The following THSD7A variants were observed in gnomAD, a reference collection of about 807,000 sequenced individuals.
THSD7A encodes thrombospondin type 1 domain containing 7A.
THSD7A carries 96 observed loss-of-function variants against 231.3 expected under a neutral mutation model. The ratio of observed to expected loss-of-function variants is 0.41; its 90% confidence interval spans 0.35 to 0.49. The LOEUF (loss-of-function observed/expected upper bound fraction) is 0.49. Ranked by LOEUF, THSD7A falls within the 20% of genes least tolerant of loss-of-function variation. THSD7A has a pLI of 0.05. For missense variants in THSD7A, 2,290 were observed against 2,070.2 expected (o/e 1.11, Z -2.06); for synonymous variants, 940 against 743.3 (o/e 1.26, Z -4.30).
chr7:11,401,783 G>A lies in THSD7A; in HGVS notation c.4411+12C>T, dbSNP rs778854733. 7.5e-6 allele frequency: 12 copies of A among 1,607,214 alleles called. No individual in the cohort carries two copies. Among genetic ancestry groups the A allele is most frequent in the South Asian group, 6.7e-5 (6 of 90,190 alleles). ...TTTGCTTAAGATAGAGTATATGAAC[G>A]GTAGCACTCACCATAACATGATTTT... On this transcript the variant is annotated intron_variant, in intron 23 of 27. Transcript: ENST00000423059.
chr7:11,779,845 C>G (rs973806062), intron 1 of THSD7A, among the ~76,000 whole-genome samples: 1 of 152,128 alleles, frequency 6.6e-6, no homozygotes, highest in Admixed American at 6.5e-5. Context: ...GAAGGAAGTA[C>G]AAATGTTGGC....
chr7:11,609,538 C>T (rs2681051), intron 2 of THSD7A, among the ~76,000 whole-genome samples: 30,438 of 152,006 alleles, frequency 0.2, 3,788 homozygotes, highest in Non-Finnish European at 0.29. Flanking sequence ...GAACTGGGGG[C>T]AATTCTGCTT....
At chr7:11,711,444 T>C (rs915132787) in intron 1 of THSD7A, among the ~76,000 whole-genome samples, 1 of 151,096 alleles carries the variant, frequency 6.6e-6, no homozygotes, top group Admixed American at 6.6e-5. Context: ...CTGATATTGA[T>C]CTGCTGACGA....
At chr7:11,717,863 G>T (rs1781196826) in intron 1 of THSD7A, among the ~76,000 whole-genome samples, 1 of 151,562 alleles carries the variant, frequency 6.6e-6, no homozygotes. Flanking sequence ...TATATCTCAT[G>T]GGGATATGGT....
intron 8 of THSD7A, among the ~76,000 whole-genome samples, chr7:11,471,119 A>C (rs1482698290): frequency 6.6e-6 from 1 of 152,012 alleles, no homozygotes; most frequent in East Asian, 1.9e-4. Flanking sequence ...TGTAGCTTAG[A>C]AAAGTAAAAT....
intron 2 of THSD7A, among the ~76,000 whole-genome samples, chr7:11,613,445 T>C (rs766007002): frequency 2.0e-4 from 31 of 152,310 alleles, no homozygotes; most frequent in Non-Finnish European, 4.3e-4. Context: ...GTGGAACTCA[T>C]AGTCATGTGA....
intron 7 of THSD7A, among the ~76,000 whole-genome samples, chr7:11,479,957 A>C (rs1786354642): frequency 6.6e-6 from 1 of 152,192 alleles, no homozygotes; most frequent in South Asian, 2.1e-4. Flanking sequence ...TAAATGTCTG[A>C]GGTGATAGAT....
chr7:11,662,389 C>T (rs1345793766), intron 1 of THSD7A, among the ~76,000 whole-genome samples: 3 of 151,314 alleles, frequency 2.0e-5, no homozygotes, highest in African/African-American at 7.3e-5. Flanking sequence ...TGCCTAATAA[C>T]ATCTGATCTC....
chr7:11,373,670 T>C lies in THSD7A; in HGVS notation c.*2124A>G, dbSNP rs1782149216. 6.6e-6 allele frequency: 1 copy of C among 152,016 alleles called. No homozygotes were observed. The highest frequency in any genetic ancestry group is 2.4e-5 in the African/African-American group (1 of 41,432). The allele number at this position is 152,016 out of a possible 1,614,324, so 9.4% of individuals were successfully genotyped here. On this transcript the variant is annotated 3_prime_UTR_variant, in exon 28 of 28. Transcript: ENST00000423059. Reference sequence around the variant, plus strand: ...GAAATACATACAAATATTTTCATTTTGGGGACAATGACATCCTAACCTGAT... The same window carrying C: ...GAAATACATACAAATATTTTCATTTCGGGGACAATGACATCCTAACCTGAT...
chr7:11,686,942 C>T (rs1158020283), intron 1 of THSD7A, among the ~76,000 whole-genome samples: 1 of 151,866 alleles, frequency 6.6e-6, no homozygotes, highest in African/African-American at 2.4e-5. Flanking sequence ...AGGTAACAAA[C>T]CTGCACATGT....
chr7:11,826,091 T>C (rs1307594220), intron 1 of THSD7A, among the ~76,000 whole-genome samples: 2 of 152,292 alleles, frequency 1.3e-5, no homozygotes, highest in South Asian at 2.1e-4. Flanking sequence ...AAAGATAACA[T>C]TGTTTTTATT....
chr7:11,636,189 A>G lies in THSD7A; in HGVS notation c.963T>C (p.Ile321=), dbSNP rs2128360123. The G allele has an allele frequency of 4.3e-6, 7 of 1,613,980 alleles. No homozygotes were observed. The East Asian group carries it at 6.7e-5, about 15-fold the overall frequency. ...ACATAACCTCTCTGGTCTGATATCC[A>G]ATCTGGATGTCCCAATATTTGTTCT... is the stretch of plus-strand genomic sequence containing the variant. ...RQENKYWDIQ[I]GYQTREVMCI... The change falls in exon 2 of 28, where the codon ATT becomes ATC. Residue 321 remains isoleucine (I), a synonymous_variant. Transcript: ENST00000423059. This position sits in a 1 kb window ranked among gnomAD's most constrained non-coding sequence, Gnocchi z 10.0.
At chr7:11,633,692 T>C (rs760004210) in intron 2 of THSD7A, among the ~76,000 whole-genome samples, 2 of 152,178 alleles carry the variant, frequency 1.3e-5, no homozygotes, top group Non-Finnish European at 2.9e-5. Context: ...AGAATAGAGT[T>C]TCATTTGTGT....
intron 1 of THSD7A, among the ~76,000 whole-genome samples, chr7:11,729,820 G>T (rs187327843): frequency 2.0e-5 from 3 of 151,752 alleles, no homozygotes; most frequent in African/African-American, 7.2e-5. Flanking sequence ...AGTACCCATG[G>T]ATACCATGTA....
intron 2 of THSD7A, among the ~76,000 whole-genome samples, chr7:11,631,558 G>T (rs1054163615): frequency 6.6e-6 from 1 of 152,098 alleles, no homozygotes; most frequent in Non-Finnish European, 1.5e-5. Flanking sequence ...GAGCAGAGGA[G>T]GTTGATTTTA....
At chr7:11,557,640 A>G (rs1789904081) in intron 4 of THSD7A, among the ~76,000 whole-genome samples, 1 of 152,112 alleles carries the variant, frequency 6.6e-6, no homozygotes, top group African/African-American at 2.4e-5. Flanking sequence ...GGGTGTATGT[A>G]TGCCACATTG....
intron 26 of THSD7A, chr7:11,378,762 C>A: frequency 3.3e-6 from 1 of 307,100 alleles, no homozygotes; most frequent in South Asian, 4.4e-5. Context: ...TTTTAAAATT[C>A]ATGTTTCTAA....
Position 11,729,258 on chromosome 7 carries a change from T to C in THSD7A, c.191-92297A>G, listed in dbSNP as rs985341944. Among the ~76,000 whole-genome samples the C allele has an allele frequency of 1.3e-4, 19 of 151,806 alleles. 1 individual carries two copies. Among genetic ancestry groups the C allele is most frequent in the Admixed American group, 1.1e-3 (17 of 15,186 alleles). The stretch of plus-strand genomic sequence containing the variant: ...AGCTTATGAAAAACATCATTTGAGC[T>C]AGTAAAAAGATGTGTGGAGGAAGTT... On this transcript the variant is annotated intron_variant, in intron 1 of 27. Transcript: ENST00000423059.
intron 4 of THSD7A, among the ~76,000 whole-genome samples, chr7:11,553,091 A>G (rs1789699189): frequency 6.6e-6 from 1 of 152,094 alleles, no homozygotes; most frequent in South Asian, 2.1e-4. Flanking sequence ...ATCCCAGGGT[A>G]TATACCCCAG....
Sources: gnomAD v4.1 joint callset for allele counts (sites outside exome capture counted in the v4.1 genomes callset) on GRCh38, gnomAD v4.1.1 for gene constraint, Gnocchi (gnomAD v3.1) non-coding constraint, MANE v1.5 for transcripts, NCBI Gene and HGNC (gene_info 2026-07-23, HGNC 2026-07-21) for gene names.